The following NOL4 variants were observed in gnomAD, a reference collection of about 807,000 sequenced individuals.
NOL4 encodes cancer/testis antigen 125.
In NOL4, 17 loss-of-function variants were observed where a neutral mutation model predicts 75.9. That is an observed-to-expected ratio of 0.22 (90% CI 0.15 to 0.34). The LOEUF (loss-of-function observed/expected upper bound fraction) is 0.34, where lower values mean the gene tolerates loss of function less well. NOL4 is among the 10% of genes least tolerant of loss of function. NOL4 has a pLI of 1.00. For synonymous variants in NOL4, 292 were observed against 289.9 expected (o/e 1.01, Z -0.07); for missense variants, 614 against 793.5 (o/e 0.77, Z 2.72).
intron 1 of NOL4, among the ~76,000 whole-genome samples, chr18:34,150,114 T>G (rs1375896865): frequency 6.6e-6 from 1 of 151,738 alleles, no homozygotes; most frequent in Non-Finnish European, 1.5e-5. Context: ...GTTTAATTTA[T>G]GATTAATTGA....
intron 1 of NOL4, among the ~76,000 whole-genome samples, chr18:34,214,456 C>T (rs1215013283): frequency 1.3e-5 from 2 of 152,128 alleles, no homozygotes; most frequent in Admixed American, 1.3e-4. Flanking sequence ...GCCTTAGAAT[C>T]CAAATGGTTT....
At chr18:34,066,480 T>C (rs2077279551) in intron 5 of NOL4, among the ~76,000 whole-genome samples, 1 of 151,982 alleles carries the variant, frequency 6.6e-6, no homozygotes, top group African/African-American at 2.4e-5. Flanking sequence ...TCTGGAGATC[T>C]GTTACAAACA....
intron 9 of NOL4, among the ~76,000 whole-genome samples, chr18:33,901,352 C>T (rs984044029): frequency 6.6e-6 from 1 of 151,802 alleles, no homozygotes; most frequent in Non-Finnish European, 1.5e-5. Flanking sequence ...TTAGATGAAC[C>T]CTGATGTTCA....
At chr18:33,905,960 G>T (rs766669568) in intron 9 of NOL4, among the ~76,000 whole-genome samples, 2 of 152,134 alleles carry the variant, frequency 1.3e-5, no homozygotes, top group Admixed American at 6.6e-5. Context: ...TTTGAGAGTG[G>T]GGAAATTGTA....
At chr18:33,894,084 T>A (rs530389123) in intron 9 of NOL4, among the ~76,000 whole-genome samples, 1 of 152,278 alleles carries the variant, frequency 6.6e-6, no homozygotes, top group African/African-American at 2.4e-5. Context: ...GAGTGCAATT[T>A]GTTTCATATA....
chr18:34,003,283 C>T (rs1452953648), intron 6 of NOL4, among the ~76,000 whole-genome samples: 1 of 151,940 alleles, frequency 6.6e-6, no homozygotes, highest in East Asian at 1.9e-4. Context: ...TTATAATTAT[C>T]TATGTAGCTG....
chr18:34,172,846 A>G (rs1208329958), intron 1 of NOL4, among the ~76,000 whole-genome samples: 1 of 152,058 alleles, frequency 6.6e-6, no homozygotes, highest in East Asian at 1.9e-4. Context: ...GTTTTTGCAC[A>G]TTTTAAATTG....
intron 2 of NOL4, among the ~76,000 whole-genome samples, chr18:34,116,373 T>C (rs1336221039): frequency 1.3e-5 from 2 of 152,216 alleles, no homozygotes; most frequent in Non-Finnish European, 2.9e-5. Flanking sequence ...GCCAATGTTC[T>C]GCTTTTCGGA....
chr18:34,132,441 C>G (rs1249768088), intron 1 of NOL4, among the ~76,000 whole-genome samples: 1 of 152,156 alleles, frequency 6.6e-6, no homozygotes, highest in Admixed American at 6.6e-5. Flanking sequence ...TCAACATTGT[C>G]TCAAGAAATT....
intron 10 of NOL4, among the ~76,000 whole-genome samples, chr18:33,872,358 T>G (rs564027491): frequency 6.6e-6 from 1 of 152,166 alleles, no homozygotes; most frequent in African/African-American, 2.4e-5. Flanking sequence ...TCTCAGAACC[T>G]TAACATGACC....
Position 34,138,340 on chromosome 18 carries a change from T to G in NOL4, c.265-8320A>C, listed in dbSNP as rs554129290. 2.0e-5 allele frequency among the ~76,000 whole-genome samples: 3 copies of G among 152,250 alleles called. No homozygotes were observed. In the East Asian group the frequency reaches 5.8e-4, roughly 29 times the overall value. ...TCACTTGAGCCCATAAGGTTGAAGCTGCAGTGAGTCGTGATTGTGTCCCTG... is the reference window on the plus strand; with the variant it reads ...TCACTTGAGCCCATAAGGTTGAAGCGGCAGTGAGTCGTGATTGTGTCCCTG... On this transcript the variant is annotated intron_variant, in intron 1 of 10. Coordinates refer to ENST00000261592, the MANE Select transcript of NOL4 (RefSeq NM_003787.5).
chr18:34,214,377 G>A (rs1304316985), intron 1 of NOL4, among the ~76,000 whole-genome samples: 1 of 152,036 alleles, frequency 6.6e-6, no homozygotes, highest in East Asian at 1.9e-4. Context: ...TGTATATACT[G>A]GGGGAATCTT....
intron 5 of NOL4, chr18:34,023,301 G>C: frequency 2.5e-6 from 1 of 403,270 alleles, no homozygotes; most frequent in South Asian, 1.8e-5. Context: ...TGAGTTTCAT[G>C]TAATCATGTT....
intron 5 of NOL4, among the ~76,000 whole-genome samples, chr18:34,067,456 A>C (rs1487925353): frequency 6.6e-6 from 1 of 152,192 alleles, no homozygotes; most frequent in Non-Finnish European, 1.5e-5. Flanking sequence ...CTTAGAATCT[A>C]CTGTAGGATA....
intron 5 of NOL4, among the ~76,000 whole-genome samples, chr18:34,044,894 CCA>C (rs2076294742): frequency 6.6e-6 from 1 of 152,088 alleles, no homozygotes; most frequent in Non-Finnish European, 1.5e-5. Flanking sequence ...CAGTCATGGG[CCA>C]AGACTATAGT....
At chr18:34,002,453 G>A (rs749819620) in intron 6 of NOL4, among the ~76,000 whole-genome samples, 9 of 152,042 alleles carry the variant, frequency 5.9e-5, no homozygotes, top group Non-Finnish European at 1.2e-4. Flanking sequence ...ACCTTCTGGA[G>A]AAGAAGTCCT....
At chr18:33,932,462 G>A (rs868727430) in intron 9 of NOL4, among the ~76,000 whole-genome samples, 16 of 152,050 alleles carry the variant, frequency 1.1e-4, no homozygotes, top group Admixed American at 2.6e-4. Flanking sequence ...CACACTACCT[G>A]TTTATTAAAA....
At chr18:33,989,299 T>C (rs1209909281) in intron 6 of NOL4, among the ~76,000 whole-genome samples, 5 of 151,684 alleles carry the variant, frequency 3.3e-5, no homozygotes, top group African/African-American at 4.8e-5. Context: ...CCATTCACCA[T>C]TGCATCCTAG....
At chr18:34,046,678 A>AT (rs897432005) in intron 5 of NOL4, among the ~76,000 whole-genome samples, 2 of 130,054 alleles carry the variant, frequency 1.5e-5, no homozygotes, top group African/African-American at 5.7e-5. Flanking sequence ...AATGGTGCCT[A>AT]TTTTTTTCTT....
Sources: allele counts gnomAD v4.1 joint callset (sites outside exome capture counted in the v4.1 genomes callset), GRCh38; gene constraint gnomAD v4.1.1; transcripts MANE v1.5; gene names NCBI Gene and HGNC (gene_info 2026-07-23, HGNC 2026-07-21).